RANBP2: variants seen among roughly 807,000 people sequenced by gnomAD.
RANBP2 encodes RAN binding protein 2, also known as E3 SUMO-protein ligase RanBP2.
RANBP2 carries 57 observed loss-of-function variants against 303.6 expected under a neutral mutation model. The observed-to-expected ratio is 0.19, with a 90% CI of 0.15 to 0.23. The LOEUF is 0.23. Ranked by LOEUF, RANBP2 falls within the 10% of genes least tolerant of loss-of-function variation. The pLI, the probability that RANBP2 is intolerant of heterozygous loss-of-function variation, is 1.00. For missense variants in RANBP2, 3,138 were observed against 3,780.8 expected (o/e 0.83, Z 4.46); for synonymous variants, 1,167 against 1,301.5 (o/e 0.90, Z 2.23).
chr2:109,386,368 C>T, the RANBP2 span, among the ~76,000 whole-genome samples: 2 of 151,980 alleles, frequency 1.3e-5, no homozygotes, highest in Non-Finnish European at 2.9e-5. Flanking sequence ...GTACATGAAG[C>T]CAAAAGGACC....
the RANBP2 span, chr2:109,449,131 T>G: frequency 6.3e-7 from 1 of 1,595,366 alleles, no homozygotes; most frequent in Non-Finnish European, 8.5e-7. Context: ...AGTTGCAAAC[T>G]AACCTTTCAA....
intron 20 of RANBP2, 70 bp downstream of exon 20, chr2:108,768,458 T>C: frequency 3.7e-6 from 6 of 1,603,394 alleles, no homozygotes; most frequent in Non-Finnish European, 4.2e-6. Context: ...TGCAGACTCT[T>C]TGTAGGATAC....
chr2:108,719,729 C>T (rs1694060637), intron 1 of RANBP2, 51 bp downstream of exon 1: 6 of 1,552,582 alleles, frequency 3.9e-6, no homozygotes, highest in Non-Finnish European at 4.4e-6. Flanking sequence ...GGGCGGCGGC[C>T]TCGCGCTGCT....
intron 4 of RANBP2, among the ~76,000 whole-genome samples, chr2:108,732,279 T>C (rs1695230271): frequency 6.6e-6 from 1 of 152,152 alleles, no homozygotes; most frequent in Non-Finnish European, 1.5e-5. Flanking sequence ...TGTATGCTAC[T>C]TCATTTTTCC....
the RANBP2 span, chr2:109,129,244 TC>T: frequency 1.7e-6 from 1 of 571,576 alleles, no homozygotes; most frequent in South Asian, 1.7e-5. Flanking sequence ...GCACCCCCGG[TC>T]CCCCGCGCGG....
chr2:108,957,467 TGGCCCCGGGCTCATGGA>T, the RANBP2 span, among the ~76,000 whole-genome samples: 2 of 152,212 alleles, frequency 1.3e-5, no homozygotes, highest in Non-Finnish European at 2.9e-5. Flanking sequence ...ATAAATCAAG[TGGCCCCGGGCTCATGGA>T]GGCCCCCCAG....
At chr2:109,606,672 CTTTTTTTT>C in the RANBP2 span, among the ~76,000 whole-genome samples, 11 of 71,896 alleles carry the variant, frequency 1.5e-4, no homozygotes, top group Non-Finnish European at 2.4e-4. Flanking sequence ...AAATTTTAAG[CTTTTTTTT>C]TTTTTTTTTT....
chr2:109,508,628 C>CA, the RANBP2 span, among the ~76,000 whole-genome samples: 815 of 142,196 alleles, frequency 5.7e-3, 3 homozygotes, highest in Admixed American at 8.7e-3. Flanking sequence ...TGTAATGTTC[C>CA]AAAAAAAAAA....
the RANBP2 span, among the ~76,000 whole-genome samples, chr2:109,135,554 T>C: frequency 2.0e-5 from 3 of 152,230 alleles, no homozygotes; most frequent in African/African-American, 7.2e-5. Flanking sequence ...TTCAAGTCTC[T>C]TATCACGCGT....
the RANBP2 span, among the ~76,000 whole-genome samples, chr2:109,374,053 C>A: frequency 1.3e-5 from 2 of 152,180 alleles, no homozygotes; most frequent in African/African-American, 4.8e-5. Flanking sequence ...GTCTGAAAAG[C>A]CACCTTAAAG....
chr2:109,604,341 G>A, the RANBP2 span, among the ~76,000 whole-genome samples: 3 of 106,560 alleles, frequency 2.8e-5, no homozygotes, highest in Non-Finnish European at 5.2e-5. Context: ...GGACCCCATA[G>A]AAAGAAAGAA....
the RANBP2 span, among the ~76,000 whole-genome samples, chr2:109,657,384 G>T: frequency 6.6e-6 from 1 of 152,120 alleles, no homozygotes; most frequent in Non-Finnish European, 1.5e-5. Context: ...GGAGGTTGAG[G>T]CTGCAGTGAA....
the RANBP2 span, among the ~76,000 whole-genome samples, chr2:109,379,910 A>G: frequency 6.6e-6 from 1 of 152,218 alleles, no homozygotes; most frequent in Non-Finnish European, 1.5e-5. Flanking sequence ...AGAGTGGTCC[A>G]GGAGGCAAAT....
At chr2:109,495,304 G>C in the RANBP2 span, among the ~76,000 whole-genome samples, 1 of 152,138 alleles carries the variant, frequency 6.6e-6, no homozygotes, top group Non-Finnish European at 1.5e-5. Context: ...ACCCTGGTCT[G>C]TTCTGGTGCA....
chr2:109,478,122 G>T, the RANBP2 span, among the ~76,000 whole-genome samples: 3 of 152,234 alleles, frequency 2.0e-5, no homozygotes, highest in African/African-American at 7.2e-5. Flanking sequence ...CTCTGCAGCC[G>T]GAGAGGAGCT....
the RANBP2 span, among the ~76,000 whole-genome samples, chr2:108,872,778 A>G: frequency 6.6e-6 from 1 of 152,150 alleles, no homozygotes; most frequent in African/African-American, 2.4e-5. Flanking sequence ...TTTCAACATG[A>G]GTTCTACAGA....
chr2:109,562,610 A>C, the RANBP2 span, among the ~76,000 whole-genome samples: 1 of 152,152 alleles, frequency 6.6e-6, no homozygotes, highest in Non-Finnish European at 1.5e-5. Context: ...CAGGTGACTG[A>C]TGATGACTCC....
the RANBP2 span, among the ~76,000 whole-genome samples, chr2:108,838,329 C>T: frequency 6.6e-6 from 1 of 152,092 alleles, no homozygotes; most frequent in Non-Finnish European, 1.5e-5. Context: ...GAAAATTTTA[C>T]AAAATACATA....
At chr2:108,843,377 C>T in the RANBP2 span, among the ~76,000 whole-genome samples, 9 of 152,102 alleles carry the variant, frequency 5.9e-5, no homozygotes, top group East Asian at 1.9e-4. Flanking sequence ...AGGCTGGTCT[C>T]GAACTCCTGA....
Sources: allele counts gnomAD v4.1 joint callset (sites outside exome capture counted in the v4.1 genomes callset), GRCh38; gene constraint gnomAD v4.1.1; transcripts MANE v1.5; gene names NCBI Gene and HGNC (gene_info 2026-07-23, HGNC 2026-07-21).